The following FRMD4B variants were observed in gnomAD, a reference collection of about 807,000 sequenced individuals.
FRMD4B encodes FERM domain-containing protein 4B.
In FRMD4B, 74 loss-of-function variants were observed where a neutral mutation model predicts 141.5. The ratio of observed to expected loss-of-function variants is 0.52; its 90% CI spans 0.43 to 0.63. The LOEUF (loss-of-function observed/expected upper bound fraction) is 0.63, where lower values mean the gene tolerates loss of function less well. FRMD4B is among the 30% of genes least tolerant of loss of function. The pLI, the probability that FRMD4B is intolerant of heterozygous loss-of-function variation, is 0.00. For synonymous variants in FRMD4B, 506 were observed against 467.9 expected (o/e 1.08, Z -1.05); for missense variants, 1,366 against 1,253.4 (o/e 1.09, Z -1.36).
intron 5 of FRMD4B, among the ~76,000 whole-genome samples, chr3:69,277,318 C>A (rs2106968958): frequency 6.6e-6 from 1 of 152,152 alleles, no homozygotes; most frequent in East Asian, 1.9e-4. Flanking sequence ...GAGGTCCTAA[C>A]TGATTTGGTA....
rs140395724 is a variant in FRMD4B, at chr3:69,525,749, C to T, written c.-129+16457G>A. Among the ~76,000 whole-genome samples the T allele has an allele frequency of 2.7e-3, 417 of 152,142 alleles. 6 individuals carry two copies. Among genetic ancestry groups the T allele is most frequent in the African/African-American group, 9.7e-3 (402 of 41,520 alleles). ...TCACTGCAGCCTCAACCTCCCTGGG[C>T]TCTGGTGATCCTCCCACATCAGCCT... On this transcript the variant is annotated intron_variant, in intron 1 of 5. Coordinates refer to the FRMD4B transcript ENST00000459638.
At chr3:69,540,738 C>T (rs540800523) in intron 1 of FRMD4B, among the ~76,000 whole-genome samples, 4 of 149,084 alleles carry the variant, frequency 2.7e-5, no homozygotes, top group South Asian at 4.3e-4. Flanking sequence ...TCATTACCAC[C>T]ACCACTGCAG....
intron 9 of FRMD4B, among the ~76,000 whole-genome samples, chr3:69,218,945 C>T (rs1366769280): frequency 6.6e-6 from 1 of 152,062 alleles, no homozygotes; most frequent in Admixed American, 6.6e-5. Flanking sequence ...GGTGAATCAC[C>T]TGAGGTCAGG....
intron 9 of FRMD4B, among the ~76,000 whole-genome samples, chr3:69,220,560 C>T (rs35530977): frequency 0.097 from 14,704 of 152,108 alleles, 746 homozygotes; most frequent in Middle Eastern, 0.13. Flanking sequence ...TTGATAAAAA[C>T]AAGATTAGAG....
chr3:69,400,363 C>T (rs116147799), intron 2 of FRMD4B, among the ~76,000 whole-genome samples: 6,109 of 149,144 alleles, frequency 0.041, 156 homozygotes, highest in Middle Eastern at 0.08. Flanking sequence ...GCCTGGGCAA[C>T]AGAGTGAGAC....
chr3:69,477,287 T>G (rs77364041), intron 1 of FRMD4B, among the ~76,000 whole-genome samples: 87,206 of 141,718 alleles, frequency 0.62, 27,663 homozygotes, highest in African/African-American at 0.79. Flanking sequence ...TGTGCCAGTT[T>G]TCAAAGGGAA....
intron 1 of FRMD4B, among the ~76,000 whole-genome samples, chr3:69,505,244 A>G (rs1706577412): frequency 6.6e-6 from 1 of 152,070 alleles, no homozygotes; most frequent in South Asian, 2.1e-4. Flanking sequence ...TGGGCATGGT[A>G]GCACATGCCT....
At chr3:69,535,871 C>A (rs1028468258) in intron 1 of FRMD4B, 8 of 445,676 alleles carry the variant, frequency 1.8e-5, no homozygotes, top group South Asian at 1.3e-4. Flanking sequence ...ACCTTCTGGT[C>A]GAGGAAGCAA....
intron 1 of FRMD4B, among the ~76,000 whole-genome samples, chr3:69,470,592 G>A (rs889705767): frequency 6.6e-6 from 1 of 152,086 alleles, no homozygotes; most frequent in African/African-American, 2.4e-5. Flanking sequence ...AAGCTCTGGG[G>A]AGCTGGTAAG....
intron 1 of FRMD4B, among the ~76,000 whole-genome samples, chr3:69,342,650 G>A (rs1702777257): frequency 6.6e-6 from 1 of 152,140 alleles, no homozygotes; most frequent in Non-Finnish European, 1.5e-5. Flanking sequence ...ACATTAAAAT[G>A]TAGTTTTATT....
chr3:69,226,020 G>A (rs2093251012), intron 7 of FRMD4B, among the ~76,000 whole-genome samples: 1 of 152,018 alleles, frequency 6.6e-6, no homozygotes, highest in Non-Finnish European at 1.5e-5. Flanking sequence ...CTCATGTAAG[G>A]TTCACCACAA....
chr3:69,279,188 CA>C (rs1408375639), intron 5 of FRMD4B, among the ~76,000 whole-genome samples: 1 of 152,120 alleles, frequency 6.6e-6, no homozygotes, highest in Non-Finnish European at 1.5e-5. Flanking sequence ...TACGATAATG[CA>C]GCACTCATCA....
At chr3:69,193,959 T>C in intron 16 of FRMD4B, 86 bp from the exon 17 acceptor site, 1 of 793,014 alleles carries the variant, frequency 1.3e-6, no homozygotes, top group Middle Eastern at 2.9e-4. Context: ...TCCTGTGCAC[T>C]TTCTTGAATC....
chr3:69,445,159 C>T (rs1003720788), intron 1 of FRMD4B, among the ~76,000 whole-genome samples: 5 of 152,154 alleles, frequency 3.3e-5, no homozygotes, highest in Non-Finnish European at 7.3e-5. Flanking sequence ...GGAGCTTGCC[C>T]TGAACGGGTG....
At chr3:69,438,759 C>A (rs1056749063) in intron 1 of FRMD4B, among the ~76,000 whole-genome samples, 1 of 152,160 alleles carries the variant, frequency 6.6e-6, no homozygotes, top group African/African-American at 2.4e-5. Flanking sequence ...TCCCACCACC[C>A]AATCTCCATC....
At chr3:69,217,124 C>T (rs891908103) in intron 10 of FRMD4B, among the ~76,000 whole-genome samples, 2 of 152,244 alleles carry the variant, frequency 1.3e-5, no homozygotes, top group East Asian at 1.9e-4. Context: ...ACGGGAATAT[C>T]GAAAACCCTT....
intron 1 of FRMD4B, among the ~76,000 whole-genome samples, chr3:69,458,250 A>G (rs1705649659): frequency 6.6e-6 from 1 of 152,182 alleles, no homozygotes; most frequent in Non-Finnish European, 1.5e-5. Flanking sequence ...TCATTATATG[A>G]CTATTGACTA....
intron 1 of FRMD4B, among the ~76,000 whole-genome samples, chr3:69,444,421 A>T (rs1344353309): frequency 6.6e-6 from 1 of 152,158 alleles, no homozygotes; most frequent in Non-Finnish European, 1.5e-5. Context: ...TGGAGAACTG[A>T]CTGCTTAGTG....
chr3:69,487,220 CAGACTAT>C (rs1706229185), intron 1 of FRMD4B, among the ~76,000 whole-genome samples: 1 of 152,108 alleles, frequency 6.6e-6, no homozygotes, highest in African/African-American at 2.4e-5. Flanking sequence ...TGGCTGATCC[CAGACTAT>C]AGGCCTGAGT....
Sources: allele counts gnomAD v4.1 joint callset (sites outside exome capture counted in the v4.1 genomes callset), GRCh38; gene constraint gnomAD v4.1.1; transcripts MANE v1.5; gene names NCBI Gene and HGNC (gene_info 2026-07-23, HGNC 2026-07-21).